NFATC2: variants seen among roughly 807,000 people sequenced by gnomAD.
NFATC2 encodes nuclear factor of activated T cells 2.
NFATC2 carries 22 observed loss-of-function variants against 87.3 expected under a neutral mutation model. That is an observed-to-expected ratio of 0.25 (90% CI 0.18 to 0.36). The LOEUF is 0.36. NFATC2 is among the 10% of genes least tolerant of loss of function. The pLI, the probability that NFATC2 is intolerant of heterozygous loss-of-function variation, is 1.00. For missense variants in NFATC2, 1,149 were observed against 1,259.1 expected (o/e 0.91, Z 1.32); for synonymous variants, 565 against 542.2 (o/e 1.04, Z -0.58).
chr20:51,413,004 C>CCCG (rs1555871769), intron 9 of NFATC2, among the ~76,000 whole-genome samples: 2 of 138,006 alleles, frequency 1.4e-5, no homozygotes, highest in African/African-American at 5.5e-5. Flanking sequence ...CCGCCCCCCC[C>CCCG]CCTCCCCGCC....
intron 1 of NFATC2, among the ~76,000 whole-genome samples, chr20:51,534,199 A>G (rs914068073): frequency 6.6e-6 from 1 of 151,788 alleles, no homozygotes; most frequent in Non-Finnish European, 1.5e-5. Flanking sequence ...CAAGACCACA[A>G]AAAGTCAGGG....
chr20:51,558,431 T>C (rs2076995955), intron 1 of NFATC2, among the ~76,000 whole-genome samples: 1 of 151,644 alleles, frequency 6.6e-6, no homozygotes, highest in African/African-American at 2.4e-5. Flanking sequence ...AGTTATCCAA[T>C]GAGAAAACGC....
intron 6 of NFATC2, among the ~76,000 whole-genome samples, chr20:51,444,257 C>T (rs1202322728): frequency 6.6e-6 from 1 of 152,088 alleles, no homozygotes. Context: ...GCTGGGATTA[C>T]AGGCATGAGC....
intron 8 of NFATC2, among the ~76,000 whole-genome samples, chr20:51,433,217 C>A (rs944317270): frequency 1.3e-5 from 2 of 152,172 alleles, no homozygotes; most frequent in African/African-American, 4.8e-5. Context: ...CAAATGTCAG[C>A]TCCTCAAAGA....
In NFATC2 at chr20:51,412,276, G is replaced by T. The variant is rs576579553; in HGVS notation, c.2723-13546C>A. Among the ~76,000 whole-genome samples, 5 of 152,328 alleles carry T rather than the reference G, an allele frequency of 3.3e-5. No individual in the cohort carries two copies. The East Asian group carries it at 9.7e-4, about 29-fold the overall frequency. ...GCACACTCTGGCATCACACAGCTGG[G>T]GGTGATTGGACTGGGGAAGGGGTCT... is the stretch of plus-strand genomic sequence containing the variant. On this transcript the variant is annotated intron_variant, in intron 9 of 10. Transcript: ENST00000371564.
In NFATC2 at chr20:51,398,646, T is replaced by TAACTTTG; in HGVS notation, c.*34_*40dup. On this transcript the variant is annotated 3_prime_UTR_variant, in exon 10 of 11. Coordinates refer to ENST00000371564, the MANE Select transcript of NFATC2 (RefSeq NM_012340.5). Reference sequence around the variant, plus strand: ...AGAAGCAGAAGATATCGATTACCTTTAACTTTGATTTCTCGGATCAAAGAT... The same window carrying TAACTTTG: ...AGAAGCAGAAGATATCGATTACCTTTAACTTTGAACTTTGATTTCTCGGATCAAAGAT... 6.2e-7 allele frequency: 1 copy of TAACTTTG among 1,602,984 alleles called. No individual in the cohort carries two copies. The highest frequency in any genetic ancestry group is 2.2e-5 in the East Asian group (1 of 44,828).
chr20:51,415,107 G>A (rs1979857194), intron 9 of NFATC2, among the ~76,000 whole-genome samples: 1 of 152,012 alleles, frequency 6.6e-6, no homozygotes, highest in Non-Finnish European at 1.5e-5. Context: ...CTAGCCAGGT[G>A]TGGTGGCACA....
At chr20:51,556,886 G>A (rs2076983095) in intron 1 of NFATC2, among the ~76,000 whole-genome samples, 1 of 152,322 alleles carries the variant, frequency 6.6e-6, no homozygotes, top group African/African-American at 2.4e-5. Flanking sequence ...GCCAGAGAGA[G>A]GGGATGGGGG....
chr20:51,505,457 G>GTATA (rs572264759), intron 3 of NFATC2, among the ~76,000 whole-genome samples: 92 of 150,644 alleles, frequency 6.1e-4, no homozygotes, highest in Middle Eastern at 3.5e-3. Flanking sequence ...GTGTAGGTGT[G>GTATA]TGTATATATA....
intron 1 of NFATC2, among the ~76,000 whole-genome samples, chr20:51,551,833 C>T (rs1036730110): frequency 6.6e-6 from 1 of 151,584 alleles, no homozygotes; most frequent in African/African-American, 2.4e-5. Flanking sequence ...CAAGACCATC[C>T]TGGCTAACAT....
chr20:51,545,867 AAG>A (rs142033756), upstream of NFATC2, among the ~76,000 whole-genome samples: 154 of 152,258 alleles, frequency 1.0e-3, 1 homozygote, highest in African/African-American at 3.6e-3. Context: ...GGATGGATGA[AAG>A]AGTGAATGTG....
At chr20:51,398,586 C>T in intron 10 of NFATC2, 57 bp downstream of exon 10, 3 of 1,275,142 alleles carry the variant, frequency 2.4e-6, no homozygotes, top group Non-Finnish European at 3.3e-6. Flanking sequence ...AAAAAAAATT[C>T]AAGTTAAGGA....
In NFATC2 at chr20:51,388,798, G is replaced by A. The variant is rs559193914; in HGVS notation, c.*2698C>T. The A allele has an allele frequency of 6.6e-5, 10 of 152,288 alleles. No homozygotes were observed. In the South Asian group the frequency reaches 2.1e-3, roughly 32 times the overall value. 9.4% of individuals were successfully genotyped at this position (152,288 alleles called of 1,614,324 possible). On this transcript the variant is annotated 3_prime_UTR_variant, in exon 11 of 11. Coordinates refer to ENST00000371564, the MANE Select transcript of NFATC2 (RefSeq NM_012340.5). ...ACATATTTACATTAACTTAGATGTAGCAGTGCAAACCTTCACTCAACTGAG... is the reference window on the plus strand; with the variant it reads ...ACATATTTACATTAACTTAGATGTAACAGTGCAAACCTTCACTCAACTGAG...
At position 51,453,189 on chromosome 20, in the gene NFATC2, T is replaced by A. The variant is rs73910853; in HGVS notation, c.1849+1359A>T. ...GCTTCCAACTGTGAGAATGCAGTTG[T>A]CACACCCCGGTCACATGTCCAGCCC... On this transcript the variant is annotated intron_variant, in intron 6 of 10. Transcript: ENST00000371564. Among the ~76,000 whole-genome samples the A allele has an allele frequency of 7.2e-3, 1,098 of 152,398 alleles. 17 individuals carry two copies. Among genetic ancestry groups the A allele is most frequent in the African/African-American group, 0.025 (1,050 of 41,598 alleles).
intron 1 of NFATC2, among the ~76,000 whole-genome samples, chr20:51,527,717 G>A (rs1351472258): frequency 6.6e-6 from 1 of 152,226 alleles, no homozygotes; most frequent in Non-Finnish European, 1.5e-5. Context: ...TAACTCTAGA[G>A]AGGGTCATTT....
At chr20:51,391,726 G>A (rs913758986) in intron 10 of NFATC2, among the ~76,000 whole-genome samples, 1 of 152,118 alleles carries the variant, frequency 6.6e-6, no homozygotes, top group Admixed American at 6.5e-5. Context: ...CTGTTGCCCA[G>A]GCTGGTCTCA....
intron 9 of NFATC2, among the ~76,000 whole-genome samples, chr20:51,418,062 T>A (rs1980293282): frequency 6.6e-6 from 1 of 152,066 alleles, no homozygotes; most frequent in Non-Finnish European, 1.5e-5. Context: ...CTCAGCAACA[T>A]CTTCTGACCC....
intron 9 of NFATC2, among the ~76,000 whole-genome samples, chr20:51,422,569 C>CTTTT (rs5841843): frequency 5.0e-5 from 7 of 140,956 alleles, no homozygotes; most frequent in Admixed American, 1.4e-4. Flanking sequence ...GAAAACCCCT[C>CTTTT]TTTTTTTTTT....
At chr20:51,394,000 G>C (rs1361233874) in intron 10 of NFATC2, among the ~76,000 whole-genome samples, 1 of 152,138 alleles carries the variant, frequency 6.6e-6, no homozygotes, top group Non-Finnish European at 1.5e-5. Flanking sequence ...CCTGCTTTCT[G>C]GGAGTTACTT....
Sources: gnomAD v4.1 joint callset for allele counts (sites outside exome capture counted in the v4.1 genomes callset) on GRCh38, gnomAD v4.1.1 for gene constraint, MANE v1.5 for transcripts, NCBI Gene and HGNC (gene_info 2026-07-23, HGNC 2026-07-21) for gene names.